Variants in SMOC2 observed in about 807,000 individuals in gnomAD.
The protein encoded by SMOC2 is SPARC related modular calcium binding 2.
In SMOC2, 39 loss-of-function variants were observed where a neutral mutation model predicts 61.4. The observed-to-expected ratio is 0.64, with a 90% CI of 0.49 to 0.83. The LOEUF (loss-of-function observed/expected upper bound fraction) is 0.83. Among genes scored for constraint, SMOC2 ranks in the 40% least tolerant of loss-of-function variants. The probability of loss-of-function intolerance (pLI) is 0.00; values close to 1 mark genes in which losing one functional copy is unlikely to be tolerated. For missense variants in SMOC2, 556 were observed against 592.9 expected, an observed-to-expected ratio of 0.94 and a Z score of 0.65; for synonymous variants, 247 against 239.9, an observed-to-expected ratio of 1.03 and a Z score of -0.27.
intron 8 of SMOC2, among the ~76,000 whole-genome samples, chr6:168,606,408 G>T (rs1785691704): frequency 6.6e-6 from 1 of 152,190 alleles, no homozygotes; most frequent in Admixed American, 6.5e-5. Flanking sequence ...GACTGGGGTG[G>T]CAGGTTTTCT....
intron 4 of SMOC2, among the ~76,000 whole-genome samples, chr6:168,541,804 A>G (rs1315110022): frequency 6.6e-6 from 1 of 152,198 alleles, no homozygotes; most frequent in Non-Finnish European, 1.5e-5. Context: ...GACTTATTTA[A>G]GGAAACACTG....
At chr6:168,541,136 C>T (rs1273174201) in intron 4 of SMOC2, among the ~76,000 whole-genome samples, 1 of 152,222 alleles carries the variant, frequency 6.6e-6, no homozygotes, top group African/African-American at 2.4e-5. Context: ...TTTGTGGCTT[C>T]TTCCACCAGA....
At chr6:168,462,751 T>A (rs1423187722) in intron 1 of SMOC2, among the ~76,000 whole-genome samples, 2 of 151,882 alleles carry the variant, frequency 1.3e-5, no homozygotes, top group African/African-American at 4.8e-5. Flanking sequence ...GGGCTGAGAG[T>A]CTCCATGTGT....
At chr6:168,473,112 C>G (rs1335940016) in intron 1 of SMOC2, among the ~76,000 whole-genome samples, 2 of 152,198 alleles carry the variant, frequency 1.3e-5, no homozygotes, top group East Asian at 3.8e-4. Context: ...ACCTCCACCC[C>G]TGAAGGTGAC....
intron 7 of SMOC2, among the ~76,000 whole-genome samples, chr6:168,591,006 G>A (rs953378909): frequency 6.6e-6 from 1 of 152,012 alleles, no homozygotes; most frequent in Non-Finnish European, 1.5e-5. Context: ...AATTGGAATG[G>A]GAATCATGTT....
rs561996085 is a variant in SMOC2, at chr6:168,537,954, G to C, written c.464-5671G>C. Among the ~76,000 whole-genome samples, 140 of 152,338 alleles carry C rather than the reference G, an allele frequency of 9.2e-4. 4 individuals are homozygous for C. The South Asian group carries it at 0.028, about 30-fold the overall frequency. ...AGCCCAGAGGCACTTCCTCACCCTG[G>C]AATCTGGGGAGTGGGGTGAGCTCTG... On this transcript the variant is annotated intron_variant, in intron 4 of 12. Transcript: ENST00000356284.
intron 2 of SMOC2, among the ~76,000 whole-genome samples, chr6:168,514,761 G>A (rs978204371): frequency 6.6e-6 from 1 of 152,202 alleles, no homozygotes; most frequent in Admixed American, 6.5e-5. Flanking sequence ...TTTTCTTGCC[G>A]TGTTCCCTTA....
intron 1 of SMOC2, among the ~76,000 whole-genome samples, chr6:168,497,544 C>T (rs1484530305): frequency 6.6e-6 from 1 of 152,122 alleles, no homozygotes; most frequent in Non-Finnish European, 1.5e-5. Flanking sequence ...GGGCAGTGGG[C>T]ACGCAGATCC....
At chr6:168,478,961 G>C (rs1782148117) in intron 1 of SMOC2, among the ~76,000 whole-genome samples, 1 of 152,020 alleles carries the variant, frequency 6.6e-6, no homozygotes, top group Admixed American at 6.5e-5. Flanking sequence ...CAGGAACGTT[G>C]AATGATTTAT....
At chr6:168,660,185 C>T (rs1787473393) in intron 11 of SMOC2, among the ~76,000 whole-genome samples, 3 of 152,134 alleles carry the variant, frequency 2.0e-5, no homozygotes, top group Admixed American at 2.0e-4. Context: ...CACCCACTCT[C>T]CAAGGAACTG....
At chr6:168,513,056 A>G (rs1783047102) in intron 2 of SMOC2, among the ~76,000 whole-genome samples, 1 of 152,220 alleles carries the variant, frequency 6.6e-6, no homozygotes, top group African/African-American at 2.4e-5. Context: ...CATGATTAAA[A>G]TTGAAAGCAT....
At chr6:168,644,734 C>G (rs1408620331) in intron 9 of SMOC2, among the ~76,000 whole-genome samples, 4 of 149,380 alleles carry the variant, frequency 2.7e-5, no homozygotes, top group Non-Finnish European at 5.9e-5. Context: ...ACTGCAACCT[C>G]CACCTCCCAG....
At chr6:168,548,946 A>C (rs1289950341) in intron 6 of SMOC2, among the ~76,000 whole-genome samples, 183 bp from the exon 7 acceptor site, 1 of 152,212 alleles carries the variant, frequency 6.6e-6, no homozygotes, top group Non-Finnish European at 1.5e-5. Flanking sequence ...AATATTTTAA[A>C]TGTATATTAT....
chr6:168,599,663 C>T (rs930552003), intron 8 of SMOC2, among the ~76,000 whole-genome samples: 7 of 62,890 alleles, frequency 1.1e-4, no homozygotes, highest in African/African-American at 2.8e-4. Flanking sequence ...TACCCACACT[C>T]ACACACTCCC....
intron 9 of SMOC2, among the ~76,000 whole-genome samples, chr6:168,639,750 C>T (rs1478712483): frequency 6.6e-6 from 1 of 152,206 alleles, no homozygotes. Context: ...GGGATGTCAG[C>T]ATAGGAAAGC....
At chr6:168,637,872 G>A (rs1313038142) in intron 9 of SMOC2, among the ~76,000 whole-genome samples, 1 of 152,216 alleles carries the variant, frequency 6.6e-6, no homozygotes, top group African/African-American at 2.4e-5. Flanking sequence ...GGCCTACGGA[G>A]GCCTCAGGTG....
intron 7 of SMOC2, among the ~76,000 whole-genome samples, chr6:168,558,178 G>A (rs561279695): frequency 2.0e-5 from 3 of 152,344 alleles, no homozygotes; most frequent in African/African-American, 7.2e-5. Context: ...TGAGAACCAG[G>A]AGAGCGGCTG....
rs1202048544 is a variant in SMOC2 at position 168,441,236 on chromosome 6, G to C, written c.-135G>C. ...GGGGAGCTGCTCCAGCCGGGCCGCCGGGAGCGGTGGGGAGAGCATCGCGGA... is the reference window on the plus strand; with the variant it reads ...GGGGAGCTGCTCCAGCCGGGCCGCCCGGAGCGGTGGGGAGAGCATCGCGGA... On this transcript the variant is annotated 5_prime_UTR_variant, in exon 1 of 13. Transcript: ENST00000356284. 2 of 1,300,946 alleles carry C rather than the reference G, an allele frequency of 1.5e-6. No homozygotes were observed. Among genetic ancestry groups the C allele is most frequent in the African/African-American group, 1.6e-5 (1 of 63,598 alleles). 80.6% of individuals were successfully genotyped at this position (1,300,946 alleles called of 1,614,324 possible). A position where few individuals can be genotyped will look rare whatever the true frequency, so the allele number is the denominator to read the frequency against.
intron 7 of SMOC2, among the ~76,000 whole-genome samples, chr6:168,588,498 G>A (rs1236310214): frequency 2.6e-5 from 4 of 152,110 alleles, no homozygotes; most frequent in African/African-American, 9.7e-5. Context: ...ATTCCTGAGG[G>A]CTCCAAGGCC....
Sources: allele counts gnomAD v4.1 joint callset (sites outside exome capture counted in the v4.1 genomes callset), GRCh38; gene constraint gnomAD v4.1.1; transcripts MANE v1.5; gene names NCBI Gene and HGNC (gene_info 2026-07-23, HGNC 2026-07-21).